FGFR2: variants seen among roughly 807,000 people sequenced by gnomAD.
FGFR2 encodes the protein fibroblast growth factor receptor 2.
A neutral mutation model predicts 95.9 loss-of-function variants in FGFR2; 19 were observed. The ratio of observed to expected loss-of-function variants is 0.20; its 90% CI spans 0.14 to 0.29. The LOEUF (loss-of-function observed/expected upper bound fraction) is 0.29. Ranked by LOEUF, FGFR2 falls within the 10% of genes least tolerant of loss-of-function variation. FGFR2 has a pLI of 1.00. For missense variants in FGFR2, 707 were observed against 1,056.9 expected (o/e 0.67, Z 4.59); for synonymous variants, 392 against 393.3 (o/e 1.00, Z 0.04).
Position 121,565,471 on chromosome 10 carries a change from T to C in FGFR2, c.343A>G (p.Ser115Gly). 6.2e-7 allele frequency: 1 copy of C among 1,614,244 alleles called. No individual in the cohort carries two copies. The highest frequency in any genetic ancestry group is 8.5e-7 in the Non-Finnish European group (1 of 1,180,040). The change falls in exon 3 of 18, where the codon AGT becomes GGT. Residue 115 changes from serine to glycine, a missense_variant. This residue lies in a region of FGFR2 where 178 missense variants were observed against 194.1 expected (regional missense o/e 0.92). Coordinates refer to ENST00000358487, the MANE Select transcript of FGFR2 (RefSeq NM_000141.5). ...TTCACCATGAAGTACCAAGTTTCACTGTCTACAGTCCTACTGGCAGTACAA... is the reference window on the plus strand; with the variant it reads ...TTCACCATGAAGTACCAAGTTTCACCGTCTACAGTCCTACTGGCAGTACAA... ...YACTASRTVD[S>G]ETWYFMVNVT...
intron 9 of FGFR2, 90 bp from the exon 10 acceptor site, chr10:121,504,031 T>TTA (rs2134069602): frequency 6.6e-7 from 1 of 1,506,300 alleles, no homozygotes; most frequent in African/African-American, 1.4e-5. Context: ...GTATCGAATC[T>TTA]TAGAAAGGAA....
At chr10:121,484,216 G>A (rs1649200) in intron 16 of FGFR2, among the ~76,000 whole-genome samples, 121,947 of 151,986 alleles carry the variant, frequency 0.8, 49,519 homozygotes, top group East Asian at 1. Context: ...TTATCTGCCC[G>A]GTGCTTTGGG....
intron 5 of FGFR2, among the ~76,000 whole-genome samples, chr10:121,540,374 C>T (rs1244316319): frequency 6.6e-6 from 1 of 152,148 alleles, no homozygotes; most frequent in Non-Finnish European, 1.5e-5. Flanking sequence ...TGTAACAGGA[C>T]CCAGACAACA....
intron 2 of FGFR2, among the ~76,000 whole-genome samples, chr10:121,593,153 ACT>A (rs1335139413): frequency 6.6e-6 from 1 of 152,154 alleles, no homozygotes; most frequent in Non-Finnish European, 1.5e-5. Context: ...AGAATCTGCC[ACT>A]CTGTGATGAT....
chr10:121,580,235 G>A (rs914743345), intron 2 of FGFR2, among the ~76,000 whole-genome samples: 8 of 152,180 alleles, frequency 5.3e-5, no homozygotes, highest in African/African-American at 1.4e-4. Flanking sequence ...AGGACCTTCT[G>A]GGGGTACTGT....
chr10:121,557,174 C>T (rs1052492788), intron 4 of FGFR2, among the ~76,000 whole-genome samples: 1 of 152,202 alleles, frequency 6.6e-6, no homozygotes, highest in African/African-American at 2.4e-5. Context: ...TGGGAATTCC[C>T]AAGATCTGCC....
intron 9 of FGFR2, among the ~76,000 whole-genome samples, chr10:121,510,637 C>A (rs1399499069): frequency 6.6e-6 from 1 of 152,082 alleles, no homozygotes; most frequent in Non-Finnish European, 1.5e-5. Flanking sequence ...GACCTGAGAA[C>A]TGGCTACTGA....
In FGFR2 at chr10:121,565,439, T is replaced by A. The variant is rs754388941; in HGVS notation, c.375A>T (p.Thr125=). ...CATAGTGCTGGCGGGCCAACTCACCTGTGACATTCACCATGAAGTACCAAG... is the reference window on the plus strand; with the variant it reads ...CATAGTGCTGGCGGGCCAACTCACCAGTGACATTCACCATGAAGTACCAAG... ...SETWYFMVNV[T]DAISSGDDED... Residue 125 remains threonine, a splice_region_variant and synonymous_variant, in exon 3 of 18, where the codon ACA becomes ACT. Coordinates refer to ENST00000358487, the MANE Select transcript of FGFR2 (RefSeq NM_000141.5). The A allele has an allele frequency of 6.2e-7, 1 of 1,614,144 alleles. No individual in the cohort carries two copies. The highest frequency in any genetic ancestry group is 8.5e-7 in the Non-Finnish European group (1 of 1,180,036).
At position 121,487,211 on chromosome 10, in the gene FGFR2, T is replaced by C. The variant is rs936294474; in HGVS notation, c.2057+143A>G. 7 of 712,160 alleles carry C rather than the reference T, an allele frequency of 9.8e-6. No individual in the cohort carries two copies. In the Admixed American group the frequency reaches 1.1e-4, roughly 11 times the overall value. The allele number at this position is 712,160 out of a possible 1,614,324, so 44.1% of individuals were successfully genotyped here. ...CATTGGTTATCAGCCTACCATAAAA[T>C]CTGTCCTTTCTAAGGCCAGCTCCTG... On this transcript the variant is annotated intron_variant, in intron 15 of 17. Transcript: ENST00000358487.
At chr10:121,536,749 G>C (rs1852889121) in intron 6 of FGFR2, among the ~76,000 whole-genome samples, 1 of 152,268 alleles carries the variant, frequency 6.6e-6, no homozygotes, top group African/African-American at 2.4e-5. Flanking sequence ...GACCGGAGTG[G>C]CCGCCATCTG....
rs1262070551 is a variant in FGFR2 at position 121,531,368 on chromosome 10, C to T, written c.748+7224G>A. The T allele has an allele frequency of 6.6e-6, 1 of 152,070 alleles. No homozygotes were observed. Among genetic ancestry groups the T allele is most frequent in the African/African-American group, 2.4e-5 (1 of 41,406 alleles). 9.4% of individuals were successfully genotyped at this position (152,070 alleles called of 1,614,324 possible). ...CTAGCTGCCACTAACCAGCCTTTGC[C>T]CCCCGGGATCCCTGTTGTGAAACAG... On this transcript the variant is annotated intron_variant, in intron 6 of 17. Transcript: ENST00000358487. The surrounding 1 kb of genome is among the most constrained non-coding windows in gnomAD (Gnocchi z 4.5).
intron 2 of FGFR2, among the ~76,000 whole-genome samples, chr10:121,579,112 G>A (rs1199247694): frequency 6.6e-6 from 1 of 152,222 alleles, no homozygotes; most frequent in Non-Finnish European, 1.5e-5. Context: ...TCACACCGCT[G>A]AGCCTCAGAG....
chr10:121,496,787 A>G (rs1048134923), intron 12 of FGFR2, 65 bp from the exon 13 acceptor site: 36 of 1,466,276 alleles, frequency 2.5e-5, no homozygotes, highest in Admixed American at 1.1e-4. Context: ...GCAATTCAGC[A>G]AAACATTTTT....
At chr10:121,553,768 A>G (rs1215874896) in intron 4 of FGFR2, among the ~76,000 whole-genome samples, 1 of 152,206 alleles carries the variant, frequency 6.6e-6, no homozygotes, top group African/African-American at 2.4e-5. Flanking sequence ...ATCAACAGAT[A>G]TGTGCTTACA....
chr10:121,510,848 C>A (rs1048652313), intron 9 of FGFR2, among the ~76,000 whole-genome samples: 19 of 150,020 alleles, frequency 1.3e-4, no homozygotes, highest in African/African-American at 4.8e-4. Context: ...GTCACCAAGG[C>A]TGGAGTGCAG....
At chr10:121,491,297 A>T (rs551024931) in intron 13 of FGFR2, among the ~76,000 whole-genome samples, 2 of 152,244 alleles carry the variant, frequency 1.3e-5, no homozygotes, top group African/African-American at 4.8e-5. Flanking sequence ...CGAGAAAAAG[A>T]AAGTAATCAA....
At chr10:121,563,593 A>C (rs1402658484) in intron 4 of FGFR2, among the ~76,000 whole-genome samples, 1 of 152,222 alleles carries the variant, frequency 6.6e-6, no homozygotes, top group East Asian at 1.9e-4. Flanking sequence ...GTATTGAATA[A>C]ACATTTGCAA....
intron 2 of FGFR2, among the ~76,000 whole-genome samples, chr10:121,586,688 T>G (rs1461034290): frequency 6.6e-6 from 1 of 152,232 alleles, no homozygotes; most frequent in Non-Finnish European, 1.5e-5. Context: ...TCTTCAAGGA[T>G]GGCCATGGCT....
chr10:121,508,251 G>A (rs1848581683), intron 9 of FGFR2, among the ~76,000 whole-genome samples: 1 of 152,198 alleles, frequency 6.6e-6, no homozygotes, highest in Non-Finnish European at 1.5e-5. Flanking sequence ...TGCCTTAGTG[G>A]GCATGTCTGA....
Sources: allele counts gnomAD v4.1 joint callset (sites outside exome capture counted in the v4.1 genomes callset), GRCh38; gene constraint gnomAD v4.1.1; regional missense constraint gnomAD v4.1.1; non-coding constraint Gnocchi (gnomAD v3.1); transcripts MANE v1.5; gene names NCBI Gene and HGNC (gene_info 2026-07-23, HGNC 2026-07-21).